The following RNF125 variants were observed in gnomAD, a reference collection of about 807,000 sequenced individuals.
RNF125 encodes ring finger protein 125, also known as E3 ubiquitin-protein ligase RNF125.
In RNF125, 21 loss-of-function variants were observed where a neutral mutation model predicts 26.0. The observed-to-expected ratio is 0.81, with a 90% CI of 0.57 to 1.16. The LOEUF (loss-of-function observed/expected upper bound fraction) is 1.16, where lower values mean the gene tolerates loss of function less well. Ranked by LOEUF, RNF125 falls within the 50% of genes most tolerant of loss-of-function variation. The probability of loss-of-function intolerance (pLI) is 0.00; values close to 1 mark genes in which losing one functional copy is unlikely to be tolerated. For synonymous variants in RNF125, 95 were observed against 109.2 expected (o/e 0.87, Z 0.81); for missense variants, 270 against 299.4 (o/e 0.90, Z 0.72).
At chr18:32,067,233 A>G (rs2039493202) in intron 5 of RNF125, among the ~76,000 whole-genome samples, 1 of 152,212 alleles carries the variant, frequency 6.6e-6, no homozygotes. Context: ...AGCCTGGGTG[A>G]CAGAGCGAGA....
At chr18:32,066,874 C>CT (rs1266605925) in intron 5 of RNF125, among the ~76,000 whole-genome samples, 11 of 152,198 alleles carry the variant, frequency 7.2e-5, no homozygotes, top group African/African-American at 2.7e-4. Flanking sequence ...CTCCATATCT[C>CT]TAAGCATGTC....
chr18:32,068,621 G>T lies in RNF125; in HGVS notation c.*237G>T. The stretch of plus-strand genomic sequence containing the variant: ...ACAACAAAAAAAATTATCTACATCA[G>T]TCATTGTTACATGGAAAAGACAGGT... On this transcript the variant is annotated 3_prime_UTR_variant, in exon 6 of 6. Transcript: ENST00000217740. 1 of 390,534 alleles carries T rather than the reference G, an allele frequency of 2.6e-6. No individual in the cohort carries two copies. The highest frequency in any genetic ancestry group is 4.7e-6 in the Non-Finnish European group (1 of 214,340). 24.2% of individuals were successfully genotyped at this position (390,534 alleles called of 1,614,324 possible). A position where few individuals can be genotyped will look rare whatever the true frequency, so the allele number is the denominator to read the frequency against.
Position 32,072,104 on chromosome 18 carries a change from G to A in RNF125, c.*3720G>A, listed in dbSNP as rs2039539122. On this transcript the variant is annotated 3_prime_UTR_variant, in exon 6 of 6. Coordinates refer to ENST00000217740, the MANE Select transcript of RNF125 (RefSeq NM_017831.4). ...TAGTTTCAGCTACTAAGGAGGCTGA[G>A]GTTGGAGGATCACTTGAGCCTAGGA... 6.6e-6 allele frequency: 1 copy of A among 152,232 alleles called. No homozygotes were observed. The highest frequency in any genetic ancestry group is 6.6e-5 in the Admixed American group (1 of 15,266). 9.4% of individuals were successfully genotyped at this position (152,232 alleles called of 1,614,324 possible).
chr18:32,033,934 A>G (rs956360913), intron 1 of RNF125, among the ~76,000 whole-genome samples: 5 of 152,150 alleles, frequency 3.3e-5, no homozygotes, highest in African/African-American at 1.2e-4. Flanking sequence ...CCAGAAAACA[A>G]CAATGAAGTG....
At chr18:32,026,325 T>G (rs922205302) in intron 1 of RNF125, among the ~76,000 whole-genome samples, 1 of 141,382 alleles carries the variant, frequency 7.1e-6, no homozygotes, top group Non-Finnish European at 1.5e-5. Flanking sequence ...CTGGGCTCAC[T>G]GCAACCTCTG....
intron 4 of RNF125, among the ~76,000 whole-genome samples, chr18:32,050,375 A>G (rs2039312125): frequency 6.6e-6 from 1 of 152,226 alleles, no homozygotes; most frequent in Non-Finnish European, 1.5e-5. Context: ...GCCGGACCGC[A>G]GTGGTGCAGT....
In RNF125 at chr18:32,037,149, GAAC is replaced by G. The variant is rs758912197; in HGVS notation, c.204_206del (p.Asn68del). ...GTTCCTGTATTGCTACCAGTCTAAA[GAAC>G]AACAAGTGGACCTGTCCTTATTGCC... On this transcript the variant is annotated inframe_deletion, in exon 2 of 6. Transcript: ENST00000217740. 13 of 1,606,146 alleles carry G rather than the reference GAAC, an allele frequency of 8.1e-6. No homozygotes were observed. The highest frequency in any genetic ancestry group is 3.5e-5 in the Admixed American group (2 of 57,826).
chr18:32,036,323 C>A lies in RNF125; in HGVS notation c.165-793C>A, dbSNP rs573465051. 9.2e-5 allele frequency among the ~76,000 whole-genome samples: 14 copies of A among 151,646 alleles called. No homozygotes were observed. The South Asian group carries it at 2.9e-3, about 32-fold the overall frequency. The stretch of plus-strand genomic sequence containing the variant: ...TACAGTATACTTAAAATTTAAAAAG[C>A]CTACCTTTGGACATGTATTAATACT... On this transcript the variant is annotated intron_variant, in intron 1 of 5. Coordinates refer to ENST00000217740, the MANE Select transcript of RNF125 (RefSeq NM_017831.4).
In RNF125 at chr18:32,046,596, C is replaced by CAA. The variant is rs34644068; in HGVS notation, c.504+883_504+884dup. Among the ~76,000 whole-genome samples, 781 of 95,776 alleles carry CAA rather than the reference C, an allele frequency of 8.2e-3. 17 individuals are homozygous for CAA. Among genetic ancestry groups the CAA allele is most frequent in the Non-Finnish European group, 9.2e-3 (468 of 51,134 alleles). The allele number at this position is 95,776 out of a possible 152,430, so 62.8% of individuals were successfully genotyped here. A position where few individuals can be genotyped will look rare whatever the true frequency, so the allele number is the denominator to read the frequency against. ...TGAGCGACAGAGCGAGACTCTGTCT[C>CAA]AAAAAAAAAAAAAAAAAAAATGCAA... On this transcript the variant is annotated intron_variant, in intron 4 of 5. Transcript: ENST00000217740.
At chr18:32,042,735 C>T (rs1598816066) in intron 3 of RNF125, among the ~76,000 whole-genome samples, 1 of 150,162 alleles carries the variant, frequency 6.7e-6, no homozygotes, top group Admixed American at 6.8e-5. Context: ...ACAGGCTGGG[C>T]AGGCATCCTG....
At chr18:32,026,660 G>C (rs7226543) in intron 1 of RNF125, among the ~76,000 whole-genome samples, 71,700 of 151,922 alleles carry the variant, frequency 0.47, 17,342 homozygotes, top group Non-Finnish European at 0.53. Flanking sequence ...TCACCTGTTT[G>C]GTTCCCAGCT....
chr18:32,065,530 C>T (rs893689740), intron 4 of RNF125, among the ~76,000 whole-genome samples: 1 of 151,906 alleles, frequency 6.6e-6, no homozygotes, highest in African/African-American at 2.4e-5. Context: ...GCCACTGCAC[C>T]CCGTCTTGTT....
the RNF125 span, among the ~76,000 whole-genome samples, chr18:32,079,424 T>C: frequency 2.0e-5 from 3 of 152,216 alleles, no homozygotes; most frequent in East Asian, 3.8e-4. Flanking sequence ...AACATGTTCA[T>C]TGACTGGATG....
chr18:32,064,699 T>C (rs749168494), intron 4 of RNF125, among the ~76,000 whole-genome samples: 45 of 152,170 alleles, frequency 3.0e-4, no homozygotes, highest in Non-Finnish European at 6.0e-4. Context: ...ATTTTTGTAT[T>C]TTTAGTAGAG....
chr18:32,079,095 G>T, the RNF125 span, among the ~76,000 whole-genome samples: 4 of 152,166 alleles, frequency 2.6e-5, no homozygotes, highest in African/African-American at 9.7e-5. Context: ...TGTAATCACA[G>T]GGCTTTACTA....
chr18:32,060,311 A>G (rs2039422902), intron 4 of RNF125, among the ~76,000 whole-genome samples: 1 of 152,192 alleles, frequency 6.6e-6, no homozygotes, highest in Non-Finnish European at 1.5e-5. Context: ...ATGGGCTGTA[A>G]GCTTATCCAC....
chr18:32,050,445 G>A (rs1278752989), intron 4 of RNF125, among the ~76,000 whole-genome samples: 1 of 152,146 alleles, frequency 6.6e-6, no homozygotes, highest in Non-Finnish European at 1.5e-5. Flanking sequence ...AGCTTCCTGA[G>A]TAGCTGGAAC....
At chr18:32,036,523 T>G (rs1375985074) in intron 1 of RNF125, among the ~76,000 whole-genome samples, 1 of 150,132 alleles carries the variant, frequency 6.7e-6, no homozygotes, top group Non-Finnish European at 1.5e-5. Context: ...AATGAGCACC[T>G]TTAAATAAAC....
chr18:32,089,037 G>A, the RNF125 span, among the ~76,000 whole-genome samples: 1 of 152,176 alleles, frequency 6.6e-6, no homozygotes, highest in Non-Finnish European at 1.5e-5. Context: ...GAGAGCCAGA[G>A]AGCCTGCTAA....
Sources: allele counts gnomAD v4.1 joint callset (sites outside exome capture counted in the v4.1 genomes callset), GRCh38; gene constraint gnomAD v4.1.1; transcripts MANE v1.5; gene names NCBI Gene and HGNC (gene_info 2026-07-23, HGNC 2026-07-21).